The following DNHD1 variants were observed in gnomAD, a reference collection of about 807,000 sequenced individuals.
The protein encoded by DNHD1 is dynein heavy chain domain 1, also known as dynein heavy chain domain-containing protein 1.
Under a neutral mutation model 458.1 loss-of-function variants are expected in DNHD1, and 383 were observed. The observed-to-expected ratio is 0.84, with a 90% CI of 0.77 to 0.91. The LOEUF (loss-of-function observed/expected upper bound fraction) is 0.91, where lower values mean the gene tolerates loss of function less well. DNHD1 is among the 40% of genes least tolerant of loss of function. DNHD1 has a pLI of 0.00. For missense variants in DNHD1, 5,336 were observed against 5,866.1 expected (o/e 0.91, Z 2.95); for synonymous variants, 2,203 against 2,376.9 (o/e 0.93, Z 2.13).
rs2555144 is a variant in DNHD1 at position 6,519,876 on chromosome 11, G to T, written c.1647+22G>T. ...TCAAGTGAGGTGGTGGGTGGCATGT[G>T]TGGAGGTGGCAGGCAGTCCAGGGCC... On this transcript the variant is annotated intron_variant, in intron 8 of 42. Coordinates refer to ENST00000254579, the MANE Select transcript of DNHD1 (RefSeq NM_144666.3). 8.2e-3 allele frequency: 13,175 copies of T among 1,612,854 alleles called. 869 individuals are homozygous for T. The African/African-American group carries it at 0.15, about 18-fold the overall frequency.
chr11:6,526,019 T>C (rs1852704764), intron 10 of DNHD1, among the ~76,000 whole-genome samples: 1 of 147,276 alleles, frequency 6.8e-6, no homozygotes, highest in Non-Finnish European at 1.5e-5. Context: ...GTTTTTAATA[T>C]TTGTTCTCTT....
intron 18 of DNHD1, among the ~76,000 whole-genome samples, chr11:6,541,552 GCTT>G (rs1352150317): frequency 6.6e-6 from 1 of 152,206 alleles, no homozygotes; most frequent in Admixed American, 6.5e-5. Flanking sequence ...GAATAAAAGA[GCTT>G]CTATCGCTCT....
chr11:6,525,014 C>A (rs2134402238), intron 10 of DNHD1, among the ~76,000 whole-genome samples: 2 of 152,278 alleles, frequency 1.3e-5, no homozygotes, highest in South Asian at 4.1e-4. Context: ...AGAGCAGATT[C>A]TGTAAGAGAG....
At chr11:6,513,578 T>G (rs1852390554) in intron 7 of DNHD1, among the ~76,000 whole-genome samples, 2 of 152,260 alleles carry the variant, frequency 1.3e-5, no homozygotes, top group South Asian at 4.1e-4. Flanking sequence ...AGTATTTCAC[T>G]GTATGAATGA....
Position 6,556,668 on chromosome 11 carries a change from C to G in DNHD1, c.7388-15C>G, listed in dbSNP as rs1480396331. 1 of 1,525,316 alleles carries G rather than the reference C, an allele frequency of 6.6e-7. No homozygotes were observed. Among genetic ancestry groups the G allele is most frequent in the Non-Finnish European group, 8.8e-7 (1 of 1,130,008 alleles). 94.5% of individuals were successfully genotyped at this position (1,525,316 alleles called of 1,614,324 possible). The stretch of plus-strand genomic sequence containing the variant: ...ACTTTTACATGTCCTCATTATTATT[C>G]CTCATGTCCCATAGACCCAGAGAAG... On this transcript the variant is annotated splice_polypyrimidine_tract_variant and intron_variant, in intron 24 of 42. Coordinates refer to ENST00000254579, the MANE Select transcript of DNHD1 (RefSeq NM_144666.3).
chr11:6,547,381 G>A lies in DNHD1; in HGVS notation c.6442G>A (p.Gly2148Ser), dbSNP rs1450159482. Reference sequence around the variant, plus strand: ...AGGCTGTTGTGCCCTAGTCTGGTGTGGTGGAGAGCAGACTTGGCAGTGTAT... The same window carrying A: ...AGGCTGTTGTGCCCTAGTCTGGTGTAGTGGAGAGCAGACTTGGCAGTGTAT... ...VVGCCALVWC[G>S]GEQTWQCILS... Residue 2148 changes from glycine to serine, a missense_variant, in exon 21 of 43, where the codon GGT becomes AGT. By Grantham distance (56) the Gly-to-Ser change is moderately conservative. Transcript: ENST00000254579. 3 of 1,551,614 alleles carry A rather than the reference G, an allele frequency of 1.9e-6. No individual in the cohort carries two copies. Among genetic ancestry groups the A allele is most frequent in the Non-Finnish European group, 2.6e-6 (3 of 1,147,010 alleles).
At position 6,571,537 on chromosome 11, in the gene DNHD1, G is replaced by C; in HGVS notation, c.13912-99G>C. Reference sequence around the variant, plus strand: ...CCCCGGTAACCCTGCTAGCTTCTCCGATCTCGCTTCACCACGACCTCCTAC... The same window carrying C: ...CCCCGGTAACCCTGCTAGCTTCTCCCATCTCGCTTCACCACGACCTCCTAC... On this transcript the variant is annotated intron_variant, in intron 42 of 42. Coordinates refer to ENST00000254579, the MANE Select transcript of DNHD1 (RefSeq NM_144666.3). This position sits in a 1 kb window ranked among gnomAD's most constrained non-coding sequence, Gnocchi z 5.0. 2 of 1,455,440 alleles carry C rather than the reference G, an allele frequency of 1.4e-6. No individual in the cohort carries two copies. The highest frequency in any genetic ancestry group is 1.8e-6 in the Non-Finnish European group (2 of 1,092,218). 90.2% of individuals were successfully genotyped at this position (1,455,440 alleles called of 1,614,324 possible). A position where few individuals can be genotyped will look rare whatever the true frequency, so the allele number is the denominator to read the frequency against.
intron 7 of DNHD1, 39 bp from the exon 8 acceptor site, chr11:6,519,561 C>T: frequency 6.2e-7 from 1 of 1,609,608 alleles, no homozygotes; most frequent in Non-Finnish European, 8.5e-7. Flanking sequence ...GTTTGCTCTC[C>T]ATCCCCCTAT....
Position 6,511,282 on chromosome 11 carries a change from GGAGC to G in DNHD1, c.1246_1249del (p.Glu416TyrfsTer24), listed in dbSNP as rs1448657442. On this transcript the variant is annotated frameshift_variant, in exon 7 of 43. Transcript: ENST00000254579. LOFTEE classifies it high-confidence loss of function. ...TAGTCCTTGATTCTAGGCTTCTGCA[GGAGC>G]TACACTCTGTGTCCTGGCTACCCCA... 1 of 1,614,194 alleles carries G rather than the reference GGAGC, an allele frequency of 6.2e-7. No individual in the cohort carries two copies. Among genetic ancestry groups the G allele is most frequent in the Admixed American group, 1.7e-5 (1 of 60,024 alleles).
In DNHD1 at chr11:6,564,018, A is replaced by G; in HGVS notation, c.10178A>G (p.Asn3393Ser). 6.4e-7 allele frequency: 1 copy of G among 1,551,744 alleles called. No homozygotes were observed. Among genetic ancestry groups the G allele is most frequent in the Non-Finnish European group, 8.7e-7 (1 of 1,146,998 alleles). Residue 3393 changes from asparagine to serine, a missense_variant, in exon 31 of 43, where the codon AAC becomes AGC. Physicochemically the swap from Asn to Ser is conservative, Grantham distance 46. Around this residue, in one of 4 missense-constraint regions of DNHD1, gnomAD observed 3,932 missense variants for 4,365.6 expected, o/e 0.90. Coordinates refer to ENST00000254579, the MANE Select transcript of DNHD1 (RefSeq NM_144666.3). ...GTGGAGGATGCCCAAGCTTCCCACAACTGCGTGGCAAAGACCCTCAGTCAA... is the reference window on the plus strand; with the variant it reads ...GTGGAGGATGCCCAAGCTTCCCACAGCTGCGTGGCAAAGACCCTCAGTCAA... ...KMVEDAQASHNCVAKTLSQAQ... is the reference protein window; with the variant it reads ...KMVEDAQASHSCVAKTLSQAQ...
intron 3 of DNHD1, among the ~76,000 whole-genome samples, chr11:6,501,219 A>AT (rs5789467): frequency 0.032 from 4,859 of 151,658 alleles, 264 homozygotes; most frequent in African/African-American, 0.11. Flanking sequence ...GCATTTTACG[A>AT]TTTTTTTTGT....
At chr11:6,542,418 T>C (rs773889889) in intron 18 of DNHD1, among the ~76,000 whole-genome samples, 4 of 152,244 alleles carry the variant, frequency 2.6e-5, no homozygotes, top group Non-Finnish European at 5.9e-5. Flanking sequence ...TAATTTCAGA[T>C]ACCAGCCTGG....
chr11:6,526,807 C>T lies in DNHD1; in HGVS notation c.1838-1715C>T, dbSNP rs538521394. On this transcript the variant is annotated intron_variant, in intron 10 of 42. Coordinates refer to ENST00000254579, the MANE Select transcript of DNHD1 (RefSeq NM_144666.3). ...ATAGATTACTTAAGCTTCTATAGAC[C>T]TTACCTCACCTGTTCTTGGAGGGGG... is the stretch of plus-strand genomic sequence containing the variant. 3.3e-5 allele frequency among the ~76,000 whole-genome samples: 5 copies of T among 152,312 alleles called. No individual in the cohort carries two copies. In the South Asian group the frequency reaches 1.0e-3, roughly 32 times the overall value.
At chr11:6,516,892 G>A (rs1467036609) in intron 7 of DNHD1, among the ~76,000 whole-genome samples, 2 of 151,692 alleles carry the variant, frequency 1.3e-5, no homozygotes, top group Admixed American at 1.3e-4. Context: ...TCTTATATTG[G>A]TATCTCCTGG....
chr11:6,532,398 C>T (rs561726898), intron 12 of DNHD1, among the ~76,000 whole-genome samples: 1 of 152,312 alleles, frequency 6.6e-6, no homozygotes, highest in Non-Finnish European at 1.5e-5. Context: ...GGATTACTTT[C>T]TAGCCCCTTA....
intron 4 of DNHD1, 129 bp downstream of exon 4, chr11:6,503,055 C>A: frequency 1.0e-6 from 1 of 1,002,054 alleles, no homozygotes; most frequent in Non-Finnish European, 1.4e-6. Context: ...TCCTCTGACT[C>A]TAGTGTCCCT....
chr11:6,546,401 T>G lies in DNHD1; in HGVS notation c.5462T>G (p.Leu1821Arg). The G allele has an allele frequency of 6.4e-7, 1 of 1,552,076 alleles. No homozygotes were observed. Residue 1821 changes from leucine to arginine, a missense_variant, in exon 21 of 43, where the codon CTG becomes CGG. Transcript: ENST00000254579. ...SSAVPANLHLLLRPVALALPD... is the reference protein window; with the variant it reads ...SSAVPANLHLRLRPVALALPD... ...GCTGTGCCTGCCAACCTGCACCTGC[T>G]GCTGCGGCCTGTGGCATTGGCATTG...
intron 7 of DNHD1, among the ~76,000 whole-genome samples, chr11:6,513,158 C>T (rs913473927): frequency 6.6e-6 from 1 of 152,214 alleles, no homozygotes; most frequent in African/African-American, 2.4e-5. Flanking sequence ...GTTCCTCAAT[C>T]CCACCTTTAA....
In DNHD1 at chr11:6,538,533, C is replaced by G. The variant is rs776358740; in HGVS notation, c.3126+23C>G. The G allele has an allele frequency of 5.2e-6, 8 of 1,551,620 alleles. No individual in the cohort carries two copies. The East Asian group carries it at 2.0e-4, about 38-fold the overall frequency. ...AAGGTGCTGACACCCTTCCTTGGAG[C>G]TCTTGACTGGGAGTGGAGGACTACA... On this transcript the variant is annotated intron_variant, in intron 15 of 42. Coordinates refer to ENST00000254579, the MANE Select transcript of DNHD1 (RefSeq NM_144666.3).
Sources: gnomAD v4.1 joint callset for allele counts (sites outside exome capture counted in the v4.1 genomes callset) on GRCh38, gnomAD v4.1.1 for gene constraint, gnomAD v4.1.1 regional missense constraint, Gnocchi (gnomAD v3.1) non-coding constraint, MANE v1.5 for transcripts, NCBI Gene and HGNC (gene_info 2026-07-23, HGNC 2026-07-21) for gene names.